DSTN: variants seen among roughly 807,000 people sequenced by gnomAD.
The protein encoded by DSTN is destrin.
DSTN carries 10 observed loss-of-function variants against 16.8 expected under a neutral mutation model. The ratio of observed to expected loss-of-function variants is 0.60; its 90% confidence interval spans 0.37 to 1.01. The LOEUF is 1.01. Among genes scored for constraint, DSTN ranks in the 50% least tolerant of loss-of-function variants. DSTN has a pLI of 0.01. For missense variants in DSTN, 141 were observed against 196.7 expected, an observed-to-expected ratio of 0.72 and a Z score of 1.69; for synonymous variants, 57 against 58.9, an observed-to-expected ratio of 0.97 and a Z score of 0.14.
intron 1 of DSTN, 88 bp from the exon 2 acceptor site, chr20:17,600,650 A>G: frequency 7.3e-7 from 1 of 1,373,082 alleles, no homozygotes; most frequent in East Asian, 2.5e-5. Flanking sequence ...AATGTTAAAT[A>G]TATGCCAATC....
rs993310147 is a variant in DSTN, at chr20:17,608,644, C to G, written c.*1498C>G. 1 of 151,164 alleles carries G rather than the reference C, an allele frequency of 6.6e-6. No homozygotes were observed. Among genetic ancestry groups the G allele is most frequent in the African/African-American group, 2.4e-5 (1 of 41,112 alleles). 9.4% of individuals were successfully genotyped at this position (151,164 alleles called of 1,614,324 possible). ...AAAAAAAAAAAAAAAGTCACAACTC[C>G]CTCTGGTGAATAAGAAAGTTGGTGT... is the stretch of plus-strand genomic sequence containing the variant. On this transcript the variant is annotated 3_prime_UTR_variant, in exon 4 of 4. Coordinates refer to ENST00000246069, the MANE Select transcript of DSTN (RefSeq NM_006870.4).
In DSTN at chr20:17,607,987, A is replaced by G. The variant is rs1057514727; in HGVS notation, c.*841A>G. 1 of 152,218 alleles carries G rather than the reference A, an allele frequency of 6.6e-6. No homozygotes were observed. The highest frequency in any genetic ancestry group is 1.5e-5 in the Non-Finnish European group (1 of 68,036). The allele number at this position is 152,218 out of a possible 1,614,324, so 9.4% of individuals were successfully genotyped here. A position where few individuals can be genotyped will look rare whatever the true frequency, so the allele number is the denominator to read the frequency against. Reference sequence around the variant, plus strand: ...AAGTTTGCTTCTTATGGTATAATAAAGTATGGAAGAATATTGAGTATATGT... The same window carrying G: ...AAGTTTGCTTCTTATGGTATAATAAGGTATGGAAGAATATTGAGTATATGT... On this transcript the variant is annotated 3_prime_UTR_variant, in exon 4 of 4. Transcript: ENST00000246069.
intron 1 of DSTN, among the ~76,000 whole-genome samples, chr20:17,591,403 G>C (rs1198509958): frequency 1.3e-5 from 2 of 151,546 alleles, no homozygotes; most frequent in Non-Finnish European, 2.9e-5. Context: ...TTCCAGAAAG[G>C]GCCCATAGGC....
chr20:17,595,635 T>A (rs567136263), intron 1 of DSTN, among the ~76,000 whole-genome samples: 1 of 151,224 alleles, frequency 6.6e-6, no homozygotes, highest in South Asian at 2.1e-4. Flanking sequence ...AAAAAAAAAA[T>A]CTCCTCTGGA....
intron 1 of DSTN, among the ~76,000 whole-genome samples, chr20:17,577,028 A>G (rs1363657968): frequency 6.6e-6 from 1 of 152,282 alleles, no homozygotes; most frequent in Non-Finnish European, 1.5e-5. Context: ...GTCAAAATGC[A>G]GACAAAACTT....
rs535139939 is a variant in DSTN at position 17,608,450 on chromosome 20, G to T, written c.*1304G>T. On this transcript the variant is annotated 3_prime_UTR_variant, in exon 4 of 4. Coordinates refer to ENST00000246069, the MANE Select transcript of DSTN (RefSeq NM_006870.4). The stretch of plus-strand genomic sequence containing the variant: ...TTTGACAATCAGCGTGGGCAACATA[G>T]TGGGATCTCATCTACTAAAAATAAA... The T allele has an allele frequency of 6.6e-6, 1 of 152,026 alleles. No homozygotes were observed. The highest frequency in any genetic ancestry group is 1.9e-4 in the East Asian group (1 of 5,188). The allele number at this position is 152,026 out of a possible 1,614,324, so 9.4% of individuals were successfully genotyped here.
Position 17,600,865 on chromosome 20 carries a change from A to G in DSTN, c.131A>G (p.Lys44Arg), listed in dbSNP as rs780410519. 1.9e-6 allele frequency: 3 copies of G among 1,613,890 alleles called. No homozygotes were observed. The highest frequency in any genetic ancestry group is 2.5e-6 in the Non-Finnish European group (3 of 1,179,826). Residue 44 changes from lysine (K) to arginine (R), a missense_variant, in exon 2 of 4, where the codon AAA becomes AGA. Coordinates refer to ENST00000246069, the MANE Select transcript of DSTN (RefSeq NM_006870.4). ...GTCATTTTTTGTCTCAGTGCAGACA[A>G]AAAGTGCATCATTGTAGAAGAAGGC... is the stretch of plus-strand genomic sequence containing the variant. ...KAVIFCLSAD[K>R]KCIIVEEGKE...
chr20:17,583,735 CTTTTTTT>C (rs71192397), intron 1 of DSTN, among the ~76,000 whole-genome samples: 16 of 72,494 alleles, frequency 2.2e-4, no homozygotes, highest in South Asian at 6.5e-4. Context: ...TTTGGAGTTT[CTTTTTTT>C]TTTTTTTTTT....
At chr20:17,601,137 A>G in intron 2 of DSTN, 92 bp downstream of exon 2, 1 of 1,417,958 alleles carries the variant, frequency 7.1e-7, no homozygotes, top group Non-Finnish European at 9.4e-7. Flanking sequence ...TTTTATTCAA[A>G]CTATTTGCAG....
At chr20:17,598,237 AC>A (rs1237605747) in intron 1 of DSTN, among the ~76,000 whole-genome samples, 1 of 148,562 alleles carries the variant, frequency 6.7e-6, no homozygotes, top group Non-Finnish European at 1.5e-5. Flanking sequence ...TCAGGTGTTA[AC>A]TTTATGTTTA....
intron 1 of DSTN, chr20:17,599,264 A>C (rs1198432767): frequency 1.3e-5 from 2 of 152,398 alleles, no homozygotes; most frequent in Admixed American, 1.3e-4. Context: ...GTTAATAGCC[A>C]CTAGGCTGCA....
At position 17,608,151 on chromosome 20, in the gene DSTN, G is replaced by C. The variant is rs535627500; in HGVS notation, c.*1005G>C. On this transcript the variant is annotated 3_prime_UTR_variant, in exon 4 of 4. Coordinates refer to ENST00000246069, the MANE Select transcript of DSTN (RefSeq NM_006870.4). ...AGCGGTCATTGTTAATATCACGGGC[G>C]TAACACTTTGAACGATATAGAGATG... The C allele has an allele frequency of 6.6e-6, 1 of 152,286 alleles. No individual in the cohort carries two copies. Among genetic ancestry groups the C allele is most frequent in the South Asian group, 2.1e-4 (1 of 4,830 alleles). 9.4% of individuals were successfully genotyped at this position (152,286 alleles called of 1,614,324 possible). A position where few individuals can be genotyped will look rare whatever the true frequency, so the allele number is the denominator to read the frequency against.
Position 17,607,158 on chromosome 20 carries a change from C to T in DSTN, c.*12C>T, listed in dbSNP as rs1189953309. 4 of 1,604,416 alleles carry T rather than the reference C, an allele frequency of 2.5e-6. No homozygotes were observed. Among genetic ancestry groups the T allele is most frequent in the South Asian group, 1.1e-5 (1 of 89,688 alleles). On this transcript the variant is annotated 3_prime_UTR_variant, in exon 4 of 4. Coordinates refer to ENST00000246069, the MANE Select transcript of DSTN (RefSeq NM_006870.4). Reference sequence around the variant, plus strand: ...GATGCCCTGTGTAGATTATTCAGTGCCACAAATTGAAAGCTTCCATGTTTA... The same window carrying T: ...GATGCCCTGTGTAGATTATTCAGTGTCACAAATTGAAAGCTTCCATGTTTA...
Position 17,600,753 on chromosome 20 carries a change from G to C in DSTN, c.19G>C (p.Val7Leu). Residue 7 changes from valine to leucine, a missense_variant, in exon 2 of 4, where the codon GTA becomes CTA. Physicochemically the swap from Val to Leu is conservative, Grantham distance 32. Transcript: ENST00000246069. ...CTCATCATAGGCCTCAGGAGTGCAA[G>C]TAGCTGATGAAGTATGTCGCATTTT... MASGVQ[V>L]ADEVCRIFYD... 1 of 1,609,690 alleles carries C rather than the reference G, an allele frequency of 6.2e-7. No homozygotes were observed. Among genetic ancestry groups the C allele is most frequent in the Non-Finnish European group, 8.5e-7 (1 of 1,177,162 alleles).
At chr20:17,574,515 A>ACTGTGTGCTTTAGC (rs1314357515) in intron 1 of DSTN, among the ~76,000 whole-genome samples, 23 of 152,078 alleles carry the variant, frequency 1.5e-4, no homozygotes, top group Admixed American at 1.4e-3. Context: ...GATATATGGG[A>ACTGTGTGCTTTAGC]ACAATGCACT....
intron 2 of DSTN, among the ~76,000 whole-genome samples, chr20:17,603,961 G>C (rs1348733619): frequency 6.6e-6 from 1 of 152,326 alleles, no homozygotes; most frequent in South Asian, 2.1e-4. Context: ...GACTGGGGAA[G>C]TCTAAGAAAA....
intron 1 of DSTN, among the ~76,000 whole-genome samples, chr20:17,576,026 C>T (rs1357677573): frequency 1.3e-5 from 2 of 152,198 alleles, no homozygotes; most frequent in Non-Finnish European, 2.9e-5. Flanking sequence ...ACCTCCTGCT[C>T]ATTTTTCTTG....
chr20:17,607,726 T>C lies in DSTN; in HGVS notation c.*580T>C, dbSNP rs1668913559. 1.3e-5 allele frequency: 2 copies of C among 152,270 alleles called. No homozygotes were observed. Among genetic ancestry groups the C allele is most frequent in the South Asian group, 2.1e-4 (1 of 4,830 alleles). The allele number at this position is 152,270 out of a possible 1,614,324, so 9.4% of individuals were successfully genotyped here. A position where few individuals can be genotyped will look rare whatever the true frequency, so the allele number is the denominator to read the frequency against. ...GCAAAGCGCTATTTCAGGCACATCA[T>C]TGGAATACAGGAAGTAGCCCTGCAC... On this transcript the variant is annotated 3_prime_UTR_variant, in exon 4 of 4. Transcript: ENST00000246069.
chr20:17,580,793 T>C (rs1030953306), intron 1 of DSTN, among the ~76,000 whole-genome samples: 1 of 152,036 alleles, frequency 6.6e-6, no homozygotes, highest in Non-Finnish European at 1.5e-5. Context: ...TGGGCTACTT[T>C]AGCTAGAATT....
Sources: gnomAD v4.1 joint callset for allele counts (sites outside exome capture counted in the v4.1 genomes callset) on GRCh38, gnomAD v4.1.1 for gene constraint, MANE v1.5 for transcripts, NCBI Gene and HGNC (gene_info 2026-07-23, HGNC 2026-07-21) for gene names.